Variants in PREX1 observed in about 807,000 individuals in gnomAD.
PREX1 encodes the protein phosphatidylinositol 3,4,5-trisphosphate-dependent Rac exchanger 1 protein.
Under a neutral mutation model 198.3 loss-of-function variants are expected in PREX1, and 41 were observed. That is an observed-to-expected ratio of 0.21 (90% CI 0.16 to 0.27). The LOEUF (loss-of-function observed/expected upper bound fraction) is 0.27. Among genes scored for constraint, PREX1 ranks in the 10% least tolerant of loss-of-function variants. The pLI, the probability that PREX1 is intolerant of heterozygous loss-of-function variation, is 1.00. For missense variants in PREX1, 1,620 were observed against 2,200.7 expected (o/e 0.74, Z 5.28); for synonymous variants, 843 against 887.2 (o/e 0.95, Z 0.89).
chr20:48,712,097 C>T (rs1253835527), intron 5 of PREX1, among the ~76,000 whole-genome samples: 2 of 152,222 alleles, frequency 1.3e-5, no homozygotes, highest in South Asian at 2.1e-4. Context: ...AAGACCCCAC[C>T]GTGTTGTGGC....
chr20:48,776,577 C>G (rs978289803), intron 1 of PREX1, among the ~76,000 whole-genome samples: 1 of 152,190 alleles, frequency 6.6e-6, no homozygotes, highest in African/African-American at 2.4e-5. Flanking sequence ...CACAGGCCCT[C>G]GGAAAACCCA....
At chr20:48,874,375 G>GTA in the PREX1 span, among the ~76,000 whole-genome samples, 40 of 3,842 alleles carry the variant, frequency 0.01, no homozygotes, top group African/African-American at 0.073. Context: ...GGGTGTCCGT[G>GTA]TGTGTGTGTG....
In PREX1 at chr20:48,650,143, G is replaced by C. The variant is rs1473427836; in HGVS notation, c.2881C>G (p.Pro961Ala). Residue 961 changes from proline (P) to alanine (A), a missense_variant, in exon 24 of 40, where the codon CCG becomes GCG. Coordinates refer to ENST00000371941, the MANE Select transcript of PREX1 (RefSeq NM_020820.4). ...PFKQAPLEPHPLCGLDFCPTN... is the reference protein window; with the variant it reads ...PFKQAPLEPHALCGLDFCPTN... ...GGGCAGAAGTCCAGGCCACACAGCG[G>C]GTGGGGCTCCAGGGGGGCTTGTTTG... is the stretch of plus-strand genomic sequence containing the variant. 2.5e-6 allele frequency: 4 copies of C among 1,614,046 alleles called. No individual in the cohort carries two copies. The highest frequency in any genetic ancestry group is 3.4e-6 in the Non-Finnish European group (4 of 1,179,930).
chr20:48,666,373 G>A lies in PREX1; in HGVS notation c.1666-18C>T, dbSNP rs757418748. 15 of 1,546,356 alleles carry A rather than the reference G, an allele frequency of 9.7e-6. No individual in the cohort carries two copies. The highest frequency in any genetic ancestry group is 4.4e-6 in the Non-Finnish European group (5 of 1,144,844). ...CAGTCTCCCTGGAATGGAACAAGAA[G>A]GGGAGGGTGTTAGGTGGCAGCATCC... On this transcript the variant is annotated intron_variant, in intron 14 of 39. Transcript: ENST00000371941. The surrounding 1 kb of genome is among the most constrained non-coding windows in gnomAD (Gnocchi z 4.3).
chr20:48,684,622 C>T lies in PREX1; in HGVS notation c.1335-3287G>A, dbSNP rs1489106610. 2.0e-5 allele frequency among the ~76,000 whole-genome samples: 3 copies of T among 152,228 alleles called. No homozygotes were observed. Among genetic ancestry groups the T allele is most frequent in the Admixed American group, 6.5e-5 (1 of 15,294 alleles). ...CCCCTGCCAGACACGCCGCGTCATA[C>T]CTGGTAACCCTGAGCTCCGACAGCT... On this transcript the variant is annotated intron_variant, in intron 10 of 39. Transcript: ENST00000371941. The surrounding 1 kb of genome is among the most constrained non-coding windows in gnomAD (Gnocchi z 4.2).
At chr20:48,711,008 G>A (rs998276011) in intron 5 of PREX1, among the ~76,000 whole-genome samples, 1 of 152,248 alleles carries the variant, frequency 6.6e-6, no homozygotes, top group African/African-American at 2.4e-5. Flanking sequence ...ATGGGGGTAT[G>A]AGCAGAGGCC....
At chr20:48,846,946 C>T in the PREX1 span, among the ~76,000 whole-genome samples, 2 of 152,148 alleles carry the variant, frequency 1.3e-5, no homozygotes, top group African/African-American at 2.4e-5. Flanking sequence ...CAAGGGGAGG[C>T]AGGAGTTTCT....
intron 3 of PREX1, among the ~76,000 whole-genome samples, chr20:48,741,488 T>C (rs930397540): frequency 5.9e-5 from 9 of 152,170 alleles, no homozygotes; most frequent in African/African-American, 2.2e-4. Context: ...GCCTCTCAAG[T>C]ACCTAGAACT....
At chr20:48,874,878 A>AG in the PREX1 span, among the ~76,000 whole-genome samples, 1 of 112,194 alleles carries the variant, frequency 8.9e-6, no homozygotes, top group Non-Finnish European at 2.0e-5. Context: ...ACTGTGTCTC[A>AG]AAAAAAAAAA....
chr20:48,642,364 G>A, intron 28 of PREX1, 43 bp downstream of exon 28: 1 of 1,606,240 alleles, frequency 6.2e-7, no homozygotes, highest in Non-Finnish European at 8.5e-7. Context: ...AGGTGTGACA[G>A]GAGGAACCCA....
chr20:48,664,354 G>A (rs974230136), intron 15 of PREX1, among the ~76,000 whole-genome samples: 1 of 149,612 alleles, frequency 6.7e-6, no homozygotes, highest in Non-Finnish European at 1.5e-5. Context: ...CAGCCTGGGC[G>A]ACAGAGCAAG....
chr20:48,863,539 A>C, the PREX1 span, among the ~76,000 whole-genome samples: 1 of 147,664 alleles, frequency 6.8e-6, no homozygotes, highest in South Asian at 2.1e-4. Context: ...GTTTATCCAG[A>C]ATGTCATATA....
chr20:48,707,398 G>C (rs2089908499), intron 6 of PREX1, among the ~76,000 whole-genome samples: 1 of 152,174 alleles, frequency 6.6e-6, no homozygotes, highest in East Asian at 1.9e-4. Flanking sequence ...CCTGAATGCA[G>C]CCCCTCTCCT....
At chr20:48,727,615 G>T in intron 4 of PREX1, among the ~76,000 whole-genome samples, 1 of 152,104 alleles carries the variant, frequency 6.6e-6, no homozygotes, top group East Asian at 1.9e-4. Context: ...CCTGGGGTGT[G>T]AGAGGTTTAG....
At chr20:48,683,899 C>G (rs1337048183) in intron 10 of PREX1, among the ~76,000 whole-genome samples, 1 of 152,074 alleles carries the variant, frequency 6.6e-6, no homozygotes, top group African/African-American at 2.4e-5. Context: ...GGGATCAGCG[C>G]ACACAGAAGC....
At chr20:48,681,831 G>A (rs1290313663) in intron 10 of PREX1, among the ~76,000 whole-genome samples, 2 of 152,126 alleles carry the variant, frequency 1.3e-5, no homozygotes, top group Non-Finnish European at 2.9e-5. Context: ...GTGAGTAGAT[G>A]GGTGGATGGG....
At chr20:48,668,225 T>G (rs1454496786) in intron 14 of PREX1, among the ~76,000 whole-genome samples, 1 of 152,052 alleles carries the variant, frequency 6.6e-6, no homozygotes, top group East Asian at 1.9e-4. Context: ...GGCAAAGGTC[T>G]GGAGATGGGC....
chr20:48,847,364 T>TAAAAAAAAAAAAAAAAAA, the PREX1 span, among the ~76,000 whole-genome samples: 169 of 77,124 alleles, frequency 2.2e-3, 3 homozygotes, highest in Non-Finnish European at 3.0e-3. Flanking sequence ...CCTTCTCTTA[T>TAAAAAAAAAAAAAAAAAA]AAAAAAAAAA....
intron 15 of PREX1, among the ~76,000 whole-genome samples, chr20:48,664,175 C>G (rs547867786): frequency 2.0e-5 from 3 of 152,282 alleles, no homozygotes; most frequent in African/African-American, 4.8e-5. Context: ...GAGATCAAGA[C>G]CATCCTGGCT....
Sources: allele counts gnomAD v4.1 joint callset (sites outside exome capture counted in the v4.1 genomes callset), GRCh38; gene constraint gnomAD v4.1.1; non-coding constraint Gnocchi (gnomAD v3.1); transcripts MANE v1.5; gene names NCBI Gene and HGNC (gene_info 2026-07-23, HGNC 2026-07-21).